Variants in OR4F5 observed in about 807,000 individuals in gnomAD.
OR4F5 encodes olfactory receptor 4F5.
In OR4F5, 1 loss-of-function variant was observed where a neutral mutation model predicts 5.8. The observed-to-expected ratio is 0.17, with a 90% CI of 0.06 to 0.82. The LOEUF (loss-of-function observed/expected upper bound fraction) is 0.82. Ranked by LOEUF, OR4F5 falls within the 40% of genes least tolerant of loss-of-function variation. The probability of loss-of-function intolerance (pLI) is 0.72; values close to 1 mark genes in which losing one functional copy is unlikely to be tolerated. For synonymous variants in OR4F5, 18 were observed against 63.7 expected (o/e 0.28, Z 3.42); for missense variants, 47 against 175.5 (o/e 0.27, Z 4.14).
chr1:69,565 T>G lies in OR4F5; in HGVS notation c.538T>G (p.Leu180Val), dbSNP rs758159613. 3 of 1,045,658 alleles carry G rather than the reference T, an allele frequency of 2.9e-6. No homozygotes were observed. Among genetic ancestry groups the G allele is most frequent in the African/African-American group, 3.7e-5 (2 of 54,346 alleles). The allele number at this position is 1,045,658 out of a possible 1,614,324, so 64.8% of individuals were successfully genotyped here. A position where few individuals can be genotyped will look rare whatever the true frequency, so the allele number is the denominator to read the frequency against. ...GAGCCAGTTGGCGTTTGCCGTGCACTTACTCTTCTGTGGTCCCAATGAGGT... is the reference window on the plus strand; with the variant it reads ...GAGCCAGTTGGCGTTTGCCGTGCACGTACTCTTCTGTGGTCCCAATGAGGT... ...SVSQLAFAVH[L>V]LFCGPNEVDS... is the part of the protein sequence containing the mutation. The change falls in exon 3 of 3, where the codon TTA (leucine) becomes GTA (valine). Residue 180 changes from leucine to valine, a missense_variant. By Grantham distance (32) the Leu-to-Val change is conservative. This residue lies in a region of OR4F5 where 40 missense variants were observed against 68.3 expected (regional missense o/e 0.59). Coordinates refer to ENST00000641515, the MANE Select transcript of OR4F5 (RefSeq NM_001005484.2).
At chr1:66,522 A>ATATAT in intron 2 of OR4F5, among the ~76,000 whole-genome samples, 1 of 22,150 alleles carries the variant, frequency 4.5e-5, no homozygotes, top group Non-Finnish European at 1.6e-4. Flanking sequence ...AATATATATT[A>ATATAT]TATAATATAT....
chr1:66,357 ATT>A (rs1639941028), intron 2 of OR4F5, among the ~76,000 whole-genome samples: 1 of 42,016 alleles, frequency 2.4e-5, no homozygotes, highest in Non-Finnish European at 6.3e-5. Context: ...TATAATATAT[ATT>A]ATATAAATAT....
intron 2 of OR4F5, among the ~76,000 whole-genome samples, chr1:66,161 TA>T (rs1343537440): frequency 1.1e-5 from 1 of 94,256 alleles, no homozygotes; most frequent in Admixed American, 1.5e-4. Context: ...ATAAGGCATT[TA>T]TATATATATA....
chr1:66,552 T>C (rs1378993129), intron 2 of OR4F5, among the ~76,000 whole-genome samples: 4 of 84,432 alleles, frequency 4.7e-5, no homozygotes, highest in African/African-American at 1.4e-4. Flanking sequence ...ATATATAACA[T>C]ATATTATTAT....
intron 2 of OR4F5, among the ~76,000 whole-genome samples, chr1:66,369 TA>T (rs1446191328): frequency 0.14 from 2,189 of 15,452 alleles, 187 homozygotes; most frequent in Non-Finnish European, 0.29. Flanking sequence ...TATATAAATA[TA>T]ATATATAAAT....
intron 2 of OR4F5, among the ~76,000 whole-genome samples, chr1:66,251 A>T (rs1490818689): frequency 7.7e-5 from 1 of 13,030 alleles, no homozygotes; most frequent in Non-Finnish European, 1.9e-4. Flanking sequence ...TATATTATAT[A>T]ATATATAATA....
rs1217994907 is a variant in OR4F5 at position 69,462 on chromosome 1, C to G, written c.435C>G (p.His145Gln). The change falls in exon 3 of 3, where the codon CAC becomes CAG. Residue 145 changes from histidine to glutamine, a missense_variant. This residue lies in a region of OR4F5 where 40 missense variants were observed against 68.3 expected (regional missense o/e 0.59). Coordinates refer to ENST00000641515, the MANE Select transcript of OR4F5 (RefSeq NM_001005484.2). ...DRYIAICKPL[H>Q]YTTIMCGNAC... ...ATATAGCAATATGCAAGCCCCTACA[C>G]TACACTACAATTATGTGTGGCAACG... 2.9e-6 allele frequency: 3 copies of G among 1,032,542 alleles called. No individual in the cohort carries two copies. In the African/African-American group the frequency reaches 5.7e-5, roughly 20 times the overall value. 64.0% of individuals were successfully genotyped at this position (1,032,542 alleles called of 1,614,324 possible).
chr1:66,228 A>T (rs1570408149), intron 2 of OR4F5, among the ~76,000 whole-genome samples: 1 of 58,776 alleles, frequency 1.7e-5, no homozygotes, highest in African/African-American at 4.5e-5. Context: ...AATATATATT[A>T]TATAATATAT....
intron 2 of OR4F5, among the ~76,000 whole-genome samples, chr1:66,211 TATATATA>T (rs1402251914): frequency 1.3e-5 from 1 of 74,322 alleles, no homozygotes; most frequent in African/African-American, 3.9e-5. Flanking sequence ...TTACATATTA[TATATATA>T]ATATATATTA....
At chr1:67,184 G>A (rs77535210) in intron 2 of OR4F5, among the ~76,000 whole-genome samples, 3 of 118,506 alleles carry the variant, frequency 2.5e-5, no homozygotes, top group Non-Finnish European at 4.1e-5. Flanking sequence ...AAATCCTATC[G>A]TTTGTACTGT....
chr1:68,274 C>T (rs1570409456), intron 2 of OR4F5, among the ~76,000 whole-genome samples: 1 of 109,784 alleles, frequency 9.1e-6, no homozygotes, highest in East Asian at 2.0e-4. Context: ...CTTCATTCAC[C>T]CCTTTCCTGC....
chr1:68,372 C>G (rs1373667872), intron 2 of OR4F5, among the ~76,000 whole-genome samples: 1 of 103,938 alleles, frequency 9.6e-6, no homozygotes. Context: ...CCTTCCAATT[C>G]ACATTGAGTC....
chr1:66,576 A>T (rs1302966759), intron 2 of OR4F5, among the ~76,000 whole-genome samples: 68 of 52,908 alleles, frequency 1.3e-3, no homozygotes, highest in Middle Eastern at 0.026. Context: ...AAATATGTAT[A>T]ATATATATTA....
chr1:66,374 TATAA>T (rs1320437798), intron 2 of OR4F5, among the ~76,000 whole-genome samples: 1 of 12,904 alleles, frequency 7.7e-5, no homozygotes, highest in Non-Finnish European at 1.7e-4. Context: ...AAATATAATA[TATAA>T]ATTATATAAT....
intron 2 of OR4F5, among the ~76,000 whole-genome samples, chr1:66,558 A>T (rs1431426441): frequency 1.2e-5 from 1 of 83,048 alleles, no homozygotes; most frequent in Non-Finnish European, 2.6e-5. Flanking sequence ...AACATATATT[A>T]TTATATAAAA....
At chr1:68,521 A>G (rs1327591309) in intron 2 of OR4F5, among the ~76,000 whole-genome samples, 1 of 39,470 alleles carries the variant, frequency 2.5e-5, no homozygotes, top group African/African-American at 5.1e-5. Context: ...TCTCTCATTT[A>G]AACTTTATTG....
At chr1:67,314 A>G (rs972635403) in intron 2 of OR4F5, among the ~76,000 whole-genome samples, 2 of 109,886 alleles carry the variant, frequency 1.8e-5, no homozygotes, top group African/African-American at 2.7e-5. Context: ...AGATCACTAA[A>G]TTTTTATAGG....
At chr1:66,748 T>C (rs1253983902) in intron 2 of OR4F5, among the ~76,000 whole-genome samples, 1 of 118,136 alleles carries the variant, frequency 8.5e-6, no homozygotes. Flanking sequence ...ACTCCTTTAA[T>C]AAGCCTAAAC....
At chr1:66,514 T>TATATA (rs1459005701) in intron 2 of OR4F5, among the ~76,000 whole-genome samples, 1 of 74,534 alleles carries the variant, frequency 1.3e-5, no homozygotes, top group African/African-American at 4.0e-5. Context: ...TATTATATAA[T>TATATA]ATATATTATA....
Sources: allele counts gnomAD v4.1 joint callset (sites outside exome capture counted in the v4.1 genomes callset), GRCh38; gene constraint gnomAD v4.1.1; regional missense constraint gnomAD v4.1.1; transcripts MANE v1.5; gene names NCBI Gene and HGNC (gene_info 2026-07-23, HGNC 2026-07-21).